The following TMEM94 variants were observed in gnomAD, a reference collection of about 807,000 sequenced individuals.
TMEM94 encodes the protein transmembrane protein 94.
In TMEM94, 81 loss-of-function variants were observed where a neutral mutation model predicts 158.6. The ratio of observed to expected loss-of-function variants is 0.51; its 90% CI spans 0.43 to 0.61. The LOEUF (loss-of-function observed/expected upper bound fraction) is 0.61, where lower values mean the gene tolerates loss of function less well. Among genes scored for constraint, TMEM94 ranks in the 20% least tolerant of loss-of-function variants. The pLI is 0.00. For synonymous variants in TMEM94, 751 were observed against 730.7 expected (o/e 1.03, Z -0.45); for missense variants, 1,435 against 1,762.0 (o/e 0.81, Z 3.32).
chr17:75,462,084 C>T (rs1429928367), intron 1 of TMEM94, among the ~76,000 whole-genome samples: 1 of 137,420 alleles, frequency 7.3e-6, no homozygotes, highest in Non-Finnish European at 1.5e-5. Context: ...GATCTCGGCT[C>T]ACTGCAACCT....
intron 1 of TMEM94, among the ~76,000 whole-genome samples, chr17:75,458,225 G>A (rs1007845278): frequency 6.6e-6 from 1 of 152,106 alleles, no homozygotes; most frequent in Admixed American, 6.6e-5. Context: ...CAGGAACAGC[G>A]TGGAGGCAGA....
At chr17:75,481,002 C>T (rs758423241) in intron 2 of TMEM94, among the ~76,000 whole-genome samples, 8 of 152,196 alleles carry the variant, frequency 5.3e-5, no homozygotes, top group South Asian at 2.1e-4. Flanking sequence ...TGTGTGCAGC[C>T]GCCTGTCTCC....
intron 1 of TMEM94, among the ~76,000 whole-genome samples, chr17:75,467,531 T>C (rs2050348224): frequency 7.1e-6 from 1 of 140,408 alleles, no homozygotes; most frequent in Non-Finnish European, 1.6e-5. Flanking sequence ...TTTTTTTTTT[T>C]TTTTTTTTTT....
At chr17:75,486,855 C>T (rs928758200) in intron 5 of TMEM94, among the ~76,000 whole-genome samples, 2 of 152,136 alleles carry the variant, frequency 1.3e-5, no homozygotes, top group East Asian at 3.9e-4. Flanking sequence ...ATGGAGCAGC[C>T]CAGCTCCAAA....
chr17:75,488,884 T>C lies in TMEM94; in HGVS notation c.738T>C (p.Leu246=). 4 of 1,604,654 alleles carry C rather than the reference T, an allele frequency of 2.5e-6. No homozygotes were observed. The highest frequency in any genetic ancestry group is 3.4e-6 in the Non-Finnish European group (4 of 1,174,014). ...AGCAGCACCGGCTTTTCCGTGTCCTTGAGACCCCTGTGATTGACAACATCA... is the reference window on the plus strand; with the variant it reads ...AGCAGCACCGGCTTTTCCGTGTCCTCGAGACCCCTGTGATTGACAACATCA... ...SPQQHRLFRV[L]ETPVIDNIRW... The change falls in exon 7 of 32, where the codon CTT becomes CTC. Residue 246 remains leucine (L), a synonymous_variant. Coordinates refer to ENST00000314256, the MANE Select transcript of TMEM94 (RefSeq NM_014738.6).
At position 75,486,401 on chromosome 17, in the gene TMEM94, G is replaced by A. The variant is rs759259975; in HGVS notation, c.384G>A (p.Leu128=). The A allele has an allele frequency of 4.3e-6, 7 of 1,614,230 alleles. No homozygotes were observed. The South Asian group carries it at 7.7e-5, about 18-fold the overall frequency. The part of the protein sequence containing the change: ...RLKRREVERR[L]RGIIDQIQDA... ...AGCGTCGGGAGGTAGAGCGGAGGCT[G>A]CGAGGGATCATTGACCAAATCCAAG... The change falls in exon 5 of 32, where the codon CTG becomes CTA. Residue 128 remains leucine, a synonymous_variant. Coordinates refer to ENST00000314256, the MANE Select transcript of TMEM94 (RefSeq NM_014738.6).
chr17:75,483,970 G>A (rs1318551153), intron 2 of TMEM94, among the ~76,000 whole-genome samples: 2 of 152,234 alleles, frequency 1.3e-5, no homozygotes, highest in East Asian at 3.9e-4. Context: ...CTATGGGGTA[G>A]ACGGATGGGG....
At position 75,491,062 on chromosome 17, in the gene TMEM94, GC is replaced by G; in HGVS notation, c.1143del (p.Cys381Ter). ...CTCTCCCACCAGGAAATGCTGCGCTGCATTTGGGGCCACTTCCTGAGGGTGC... is the reference window on the plus strand; with the variant it reads ...CTCTCCCACCAGGAAATGCTGCGCTGATTTGGGGCCACTTCCTGAGGGTGC... ...EAVSSQEMLR[C>X]IWGHFLRVLG... On this transcript the variant is annotated frameshift_variant, in exon 12 of 32. Transcript: ENST00000314256. LOFTEE classifies it high-confidence loss of function. This position sits in a 1 kb window ranked among gnomAD's most constrained non-coding sequence, Gnocchi z 5.1. 6.2e-7 allele frequency: 1 copy of G among 1,611,694 alleles called. No homozygotes were observed. Among genetic ancestry groups the G allele is most frequent in the Non-Finnish European group, 8.5e-7 (1 of 1,178,718 alleles).
Position 75,499,509 on chromosome 17 carries a change from G to T in TMEM94, c.*175G>T, listed in dbSNP as rs553054132. On this transcript the variant is annotated 3_prime_UTR_variant, in exon 32 of 32. Transcript: ENST00000314256. ...GTCTTCCTGAGCCCTGGGGCTCACTGTGGAGGAGCTGACGGCCTGGGCCCT... is the reference window on the plus strand; with the variant it reads ...GTCTTCCTGAGCCCTGGGGCTCACTTTGGAGGAGCTGACGGCCTGGGCCCT... 1.3e-5 allele frequency: 8 copies of T among 638,058 alleles called. No individual in the cohort carries two copies. The South Asian group carries it at 1.5e-4, about 12-fold the overall frequency. The allele number at this position is 638,058 out of a possible 1,614,324, so 39.5% of individuals were successfully genotyped here. A position where few individuals can be genotyped will look rare whatever the true frequency, so the allele number is the denominator to read the frequency against.
intron 2 of TMEM94, among the ~76,000 whole-genome samples, chr17:75,484,091 C>T (rs2051385438): frequency 6.6e-6 from 1 of 152,194 alleles, no homozygotes. Context: ...TTGGTCCCTG[C>T]GTCGTCGGGG....
intron 31 of TMEM94, 82 bp from the exon 32 acceptor site, chr17:75,499,176 ATCCC>A: frequency 1.3e-6 from 2 of 1,591,504 alleles, no homozygotes; most frequent in Non-Finnish European, 1.7e-6. Flanking sequence ...TCCGCTGCCC[ATCCC>A]TCCCTCCTCC....
intron 5 of TMEM94, among the ~76,000 whole-genome samples, 183 bp downstream of exon 5, chr17:75,486,609 ATGG>A (rs955916190): frequency 6.6e-6 from 1 of 152,068 alleles, no homozygotes; most frequent in Non-Finnish European, 1.5e-5. Context: ...GAGCTGTGGG[ATGG>A]TGGTGGGTGC....
At position 75,497,210 on chromosome 17, in the gene TMEM94, T is replaced by C. The variant is rs1329018956; in HGVS notation, c.3407+12T>C. 6.2e-7 allele frequency: 1 copy of C among 1,606,716 alleles called. No individual in the cohort carries two copies. Reference sequence around the variant, plus strand: ...TACCCTCTGCTCAGGTGAGATGCCATGTATCTTCCCCACACCCCATGCCTA... The same window carrying C: ...TACCCTCTGCTCAGGTGAGATGCCACGTATCTTCCCCACACCCCATGCCTA... On this transcript the variant is annotated intron_variant, in intron 26 of 31. Coordinates refer to ENST00000314256, the MANE Select transcript of TMEM94 (RefSeq NM_014738.6).
Position 75,491,394 on chromosome 17 carries a change from C to T in TMEM94, c.1325C>T (p.Pro442Leu), listed in dbSNP as rs145775840. Residue 442 changes from proline (P) to leucine (L), a missense_variant, in exon 13 of 32, where the codon CCT becomes CTT. Physicochemically the swap from Pro to Leu is moderately conservative, Grantham distance 98. Coordinates refer to ENST00000314256, the MANE Select transcript of TMEM94 (RefSeq NM_014738.6). The surrounding 1 kb of genome is among the most constrained non-coding windows in gnomAD (Gnocchi z 5.1). Reference protein sequence around the residue: ...VLFFSGKVEPPHSSHEDLTDG... With the variant: ...VLFFSGKVEPLHSSHEDLTDG... Reference sequence around the variant, plus strand: ...TTCTTCAGCGGGAAGGTGGAGCCCCCTCACAGCAGCCATGAGGACCTCACC... The same window carrying T: ...TTCTTCAGCGGGAAGGTGGAGCCCCTTCACAGCAGCCATGAGGACCTCACC... The T allele has an allele frequency of 1.9e-5, 30 of 1,614,028 alleles. No homozygotes were observed. In the African/African-American group the frequency reaches 3.3e-4, roughly 18 times the overall value.
Position 75,493,069 on chromosome 17 carries a change from A to G in TMEM94, c.2053A>G (p.Met685Val), listed in dbSNP as rs555876311. 10 of 1,613,378 alleles carry G rather than the reference A, an allele frequency of 6.2e-6. No individual in the cohort carries two copies. The highest frequency in any genetic ancestry group is 1.6e-4 in the Middle Eastern group (1 of 6,062). Reference sequence around the variant, plus strand: ...CAAGCGGCGGCCTCCCCTCAGCCACATGATCAGCCTCTTCATTAAAGACAC... The same window carrying G: ...CAAGCGGCGGCCTCCCCTCAGCCACGTGATCAGCCTCTTCATTAAAGACAC... ...VTKRRPPLSH[M>V]ISLFIKDTTT... The change falls in exon 16 of 32, where the codon ATG (methionine) becomes GTG (valine). Residue 685 changes from methionine (M) to valine (V), a missense_variant. Around this residue, in one of 3 missense-constraint regions of TMEM94, gnomAD observed 1,051 missense variants for 1,254.4 expected, o/e 0.84. Coordinates refer to ENST00000314256, the MANE Select transcript of TMEM94 (RefSeq NM_014738.6).
chr17:75,463,035 AAAATATATATATATATATATATAT>A (rs1170336979), intron 1 of TMEM94, among the ~76,000 whole-genome samples: 3 of 3,412 alleles, frequency 8.8e-4, no homozygotes, highest in African/African-American at 1.6e-3. Context: ...AAAAAAAAAA[AAAATATATATATATATATATATAT>A]ATATATATAT....
intron 16 of TMEM94, 123 bp downstream of exon 16, chr17:75,493,225 T>C: frequency 9.1e-7 from 1 of 1,095,750 alleles, no homozygotes; most frequent in Non-Finnish European, 1.3e-6. Flanking sequence ...TGCTTCCAAG[T>C]GTTCCACTCT....
In TMEM94 at chr17:75,495,238, C is replaced by G; in HGVS notation, c.2729-46C>G. ...TTCTCTGCAGGGCAAGGACAGGTTCCCAGAAGGCTGGTCCCAAGGTGAGGG... is the reference window on the plus strand; with the variant it reads ...TTCTCTGCAGGGCAAGGACAGGTTCGCAGAAGGCTGGTCCCAAGGTGAGGG... On this transcript the variant is annotated intron_variant, in intron 20 of 31. Coordinates refer to ENST00000314256, the MANE Select transcript of TMEM94 (RefSeq NM_014738.6). This position sits in a 1 kb window ranked among gnomAD's most constrained non-coding sequence, Gnocchi z 5.6. 6.7e-7 allele frequency: 1 copy of G among 1,502,342 alleles called. No homozygotes were observed. Among genetic ancestry groups the G allele is most frequent in the Non-Finnish European group, 9.1e-7 (1 of 1,099,530 alleles). 93.1% of individuals were successfully genotyped at this position (1,502,342 alleles called of 1,614,324 possible).
chr17:75,490,607 G>T, intron 10 of TMEM94, 95 bp from the exon 11 acceptor site: 1 of 1,179,608 alleles, frequency 8.5e-7, no homozygotes. Context: ...GGGGTTGGGA[G>T]CCCCGCTGGT....
Sources: gnomAD v4.1 joint callset for allele counts (sites outside exome capture counted in the v4.1 genomes callset) on GRCh38, gnomAD v4.1.1 for gene constraint, gnomAD v4.1.1 regional missense constraint, Gnocchi (gnomAD v3.1) non-coding constraint, MANE v1.5 for transcripts, NCBI Gene and HGNC (gene_info 2026-07-23, HGNC 2026-07-21) for gene names.